Variants in DGKA observed in about 807,000 individuals in gnomAD.
The protein encoded by DGKA is 80 kDa diacylglycerol kinase.
DGKA carries 35 observed loss-of-function variants against 105.0 expected under a neutral mutation model. The ratio of observed to expected loss-of-function variants is 0.33; its 90% confidence interval spans 0.25 to 0.44. The LOEUF (loss-of-function observed/expected upper bound fraction) is 0.44. DGKA is among the 20% of genes least tolerant of loss of function. The probability of loss-of-function intolerance (pLI) is 1.00; values close to 1 mark genes in which losing one functional copy is unlikely to be tolerated. For synonymous variants in DGKA, 296 were observed against 332.0 expected (o/e 0.89, Z 1.18); for missense variants, 665 against 915.0 (o/e 0.73, Z 3.53).
At chr12:55,927,971 A>C, upstream of DGKA, 1 of 574,886 alleles carries the variant, frequency 1.7e-6, no homozygotes, top group Non-Finnish European at 3.0e-6. Context: ...TTCTAATTAA[A>C]CTCGTCCAAC....
rs892732263 is a variant in DGKA at position 55,935,995 on chromosome 12, G to C, written c.-81-428G>C. ...TCAGAGGGCCGGAACTGCCGGAACT[G>C]CCGAAGACCCGAGATGGGAGAGAGC... is the stretch of plus-strand genomic sequence containing the variant. On this transcript the variant is annotated intron_variant, in intron 1 of 23. Transcript: ENST00000331886. 4 of 989,664 alleles carry C rather than the reference G, an allele frequency of 4.0e-6. No homozygotes were observed. In the African/African-American group the frequency reaches 7.0e-5, roughly 17 times the overall value. 61.3% of individuals were successfully genotyped at this position (989,664 alleles called of 1,614,324 possible).
chr12:55,951,812 G>A (rs753192558), intron 18 of DGKA, 29 bp downstream of exon 18: 1 of 1,607,052 alleles, frequency 6.2e-7, no homozygotes, highest in Admixed American at 1.7e-5. Context: ...GGGGAGAAGG[G>A]AGAAAGGGGG....
chr12:55,940,449 A>G lies in DGKA; in HGVS notation c.918+16A>G. 1 of 1,613,578 alleles carries G rather than the reference A, an allele frequency of 6.2e-7. No homozygotes were observed. The highest frequency in any genetic ancestry group is 8.5e-7 in the Non-Finnish European group (1 of 1,179,814). The stretch of plus-strand genomic sequence containing the variant: ...CCACCTAGAGGTCAGTTTGGGAGCC[A>G]TCCCTTCTGGGTGCGTCTTACCCCG... On this transcript the variant is annotated intron_variant, in intron 11 of 23. Transcript: ENST00000331886. The surrounding 1 kb of genome is among the most constrained non-coding windows in gnomAD (Gnocchi z 4.3).
chr12:55,932,262 A>T lies in DGKA; in HGVS notation c.-82+918A>T, dbSNP rs1883726495. On this transcript the variant is annotated intron_variant, in intron 1 of 23. Coordinates refer to ENST00000331886, the MANE Select transcript of DGKA (RefSeq NM_001345.5). This position sits in a 1 kb window ranked among gnomAD's most constrained non-coding sequence, Gnocchi z 4.3. ...AGCGTGACAGCTGGAGCGGGTATCG[A>T]GAAGGGTCTGCGCTGGGACGCGGGG... is the stretch of plus-strand genomic sequence containing the variant. The T allele has an allele frequency of 2.2e-6, 1 of 458,060 alleles. No homozygotes were observed. Among genetic ancestry groups the T allele is most frequent in the African/African-American group, 2.0e-5 (1 of 50,620 alleles). 28.4% of individuals were successfully genotyped at this position (458,060 alleles called of 1,614,324 possible). A position where few individuals can be genotyped will look rare whatever the true frequency, so the allele number is the denominator to read the frequency against.
At position 55,932,349 on chromosome 12, in the gene DGKA, C is replaced by T; in HGVS notation, c.-82+1005C>T. 3.4e-6 allele frequency: 2 copies of T among 583,636 alleles called. No homozygotes were observed. The highest frequency in any genetic ancestry group is 6.0e-5 in the Admixed American group (2 of 33,444). 36.2% of individuals were successfully genotyped at this position (583,636 alleles called of 1,614,324 possible). A position where few individuals can be genotyped will look rare whatever the true frequency, so the allele number is the denominator to read the frequency against. ...ACGTTTCCCAGACCTTCCCCTCCATCCCTCCCGCTCATTCGGAGGGATGGT... is the reference window on the plus strand; with the variant it reads ...ACGTTTCCCAGACCTTCCCCTCCATTCCTCCCGCTCATTCGGAGGGATGGT... On this transcript the variant is annotated intron_variant, in intron 1 of 23. Transcript: ENST00000331886. The surrounding 1 kb of genome is among the most constrained non-coding windows in gnomAD (Gnocchi z 4.3).
At chr12:55,942,362 TG>T in intron 17 of DGKA, 99 bp downstream of exon 17, 1 of 1,173,698 alleles carries the variant, frequency 8.5e-7, no homozygotes, top group Non-Finnish European at 1.3e-6. Flanking sequence ...TGGAAAGGAT[TG>T]GGGAAGAAGA....
rs751467929 is a variant in DGKA, at chr12:55,952,922, C to T, written c.1932C>T (p.Thr644=). The change falls in exon 21 of 24, where the codon ACC becomes ACT. Residue 644 remains threonine (T), a synonymous_variant. Coordinates refer to ENST00000331886, the MANE Select transcript of DGKA (RefSeq NM_001345.5). The surrounding 1 kb of genome is among the most constrained non-coding windows in gnomAD (Gnocchi z 5.1). ...KVITDPDILK[T]CVPDLSDKRL... is the part of the protein sequence containing the mutation. Reference sequence around the variant, plus strand: ...TCACCGACCCTGATATCCTGAAAACCTGTGTACCAGGTGAGAGGAGCAGCC... The same window carrying T: ...TCACCGACCCTGATATCCTGAAAACTTGTGTACCAGGTGAGAGGAGCAGCC... 6.2e-7 allele frequency: 1 copy of T among 1,614,184 alleles called. No individual in the cohort carries two copies.
At chr12:55,927,817 G>GGCT, upstream of DGKA, 1 of 1,519,062 alleles carries the variant, frequency 6.6e-7, no homozygotes. Flanking sequence ...GCTCTGCCCC[G>GGCT]CTGGGCGGCG....
chr12:55,941,904 C>A, intron 15 of DGKA, 94 bp from the exon 16 acceptor site: 2 of 1,301,796 alleles, frequency 1.5e-6, no homozygotes, highest in African/African-American at 1.5e-5. Flanking sequence ...GAGGGTCCTA[C>A]GGAATGAGAG....
chr12:55,930,128 G>T (rs139206910), upstream of DGKA, among the ~76,000 whole-genome samples: 148 of 152,262 alleles, frequency 9.7e-4, 1 homozygote, highest in Non-Finnish European at 1.8e-4. Context: ...GTTTAAAGTA[G>T]CTCAGAGCAG....
Position 55,940,710 on chromosome 12 carries a change from TC to T in DGKA, c.1008del (p.Ser337ValfsTer22). The T allele has an allele frequency of 6.2e-7, 1 of 1,610,836 alleles. No individual in the cohort carries two copies. Among genetic ancestry groups the T allele is most frequent in the Non-Finnish European group, 8.5e-7 (1 of 1,179,176 alleles). On this transcript the variant is annotated frameshift_variant, in exon 12 of 24. Coordinates refer to ENST00000331886, the MANE Select transcript of DGKA (RefSeq NM_001345.5). LOFTEE classifies it high-confidence loss of function. The surrounding 1 kb of genome is among the most constrained non-coding windows in gnomAD (Gnocchi z 4.3). Reference protein sequence around the residue: ...DHILPPSSIYPSVLASGPDRK... With the variant: ...DHILPPSSIYXSVLASGPDRK... ...ACATCCTGCCTCCATCTTCCATCTA[TC>T]CCAGTGTCCTGGTGAGACCCTCGGC...
In DGKA at chr12:55,938,794, C is replaced by A. The variant is rs764571802; in HGVS notation, c.400-121C>A. 166 of 1,549,044 alleles carry A rather than the reference C, an allele frequency of 1.1e-4. 1 individual carries two copies. Among genetic ancestry groups the A allele is most frequent in the Non-Finnish European group, 1.4e-4 (164 of 1,135,688 alleles). ...CAAACACATTTATTTACTTGGCAGA[C>A]ATACCTGAGAATGAGAGGTGTGAAT... On this transcript the variant is annotated intron_variant, in intron 6 of 23. Coordinates refer to ENST00000331886, the MANE Select transcript of DGKA (RefSeq NM_001345.5).
At chr12:55,947,586 T>C (rs1887293962) in intron 17 of DGKA, among the ~76,000 whole-genome samples, 13 of 152,202 alleles carry the variant, frequency 8.5e-5, no homozygotes, top group Admixed American at 8.5e-4. Context: ...TAGCACTGAA[T>C]AGTGTTCCGT....
chr12:55,938,565 G>GT lies in DGKA; in HGVS notation c.399+7dup. The GT allele has an allele frequency of 6.2e-7, 1 of 1,614,144 alleles. No homozygotes were observed. On this transcript the variant is annotated splice_donor_region_variant and intron_variant, in intron 6 of 23. Coordinates refer to ENST00000331886, the MANE Select transcript of DGKA (RefSeq NM_001345.5). ...AATGGGATCCTGGACAGCTCAGTGA[G>GT]TTGGGGACCCTGTATGCTGGGCAAG... is the stretch of plus-strand genomic sequence containing the variant.
intron 23 of DGKA, 47 bp from the exon 24 acceptor site, chr12:55,953,638 C>T (rs1193032958): frequency 6.3e-7 from 1 of 1,582,348 alleles, no homozygotes; most frequent in Non-Finnish European, 8.7e-7. Flanking sequence ...AAGCCACAGC[C>T]CCAAAGTATC....
chr12:55,946,662 C>T (rs970580845), intron 17 of DGKA, among the ~76,000 whole-genome samples: 1 of 152,148 alleles, frequency 6.6e-6, no homozygotes, highest in African/African-American at 2.4e-5. Context: ...CAGCAATATT[C>T]ACAGTTTCTT....
intron 17 of DGKA, among the ~76,000 whole-genome samples, chr12:55,944,323 A>G (rs1044104976): frequency 2.0e-5 from 3 of 152,124 alleles, no homozygotes; most frequent in African/African-American, 7.2e-5. Context: ...ACACACAAAT[A>G]AATAGCCAGG....
At chr12:55,951,910 G>T in intron 18 of DGKA, 125 bp from the exon 19 acceptor site, 1 of 1,504,494 alleles carries the variant, frequency 6.6e-7, no homozygotes, top group Admixed American at 1.7e-5. Context: ...GTGCAGTACA[G>T]TGCTGAGTTG....
At position 55,954,001 on chromosome 12, in the gene DGKA, G is replaced by A. The variant is rs901160395; in HGVS notation, c.*233G>A. The A allele has an allele frequency of 4.6e-6, 3 of 645,968 alleles. No individual in the cohort carries two copies. The highest frequency in any genetic ancestry group is 2.6e-6 in the Non-Finnish European group (1 of 382,922). The allele number at this position is 645,968 out of a possible 1,614,324, so 40.0% of individuals were successfully genotyped here. A position where few individuals can be genotyped will look rare whatever the true frequency, so the allele number is the denominator to read the frequency against. On this transcript the variant is annotated 3_prime_UTR_variant, in exon 24 of 24. Transcript: ENST00000331886. ...GCCTCATCTGAATAAAATGACTTGT[G>A]TTTCCCCTTTGGGATCTGCTAAGTA...
Sources: gnomAD v4.1 joint callset for allele counts (sites outside exome capture counted in the v4.1 genomes callset) on GRCh38, gnomAD v4.1.1 for gene constraint, Gnocchi (gnomAD v3.1) non-coding constraint, MANE v1.5 for transcripts, NCBI Gene and HGNC (gene_info 2026-07-23, HGNC 2026-07-21) for gene names.